Variants in FOXN4 observed in about 807,000 individuals in gnomAD.
FOXN4 encodes the protein forkhead box protein N4.
A neutral mutation model predicts 45.0 loss-of-function variants in FOXN4; 12 were observed. The observed-to-expected ratio is 0.27, with a 90% CI of 0.17 to 0.43. FOXN4 has a LOEUF of 0.43. Among genes scored for constraint, FOXN4 ranks in the 20% least tolerant of loss-of-function variants. The probability of loss-of-function intolerance (pLI) is 1.00; values close to 1 mark genes in which losing one functional copy is unlikely to be tolerated. For missense variants in FOXN4, 560 were observed against 694.9 expected, an observed-to-expected ratio of 0.81 and a Z score of 2.18; for synonymous variants, 297 against 295.0, an observed-to-expected ratio of 1.01 and a Z score of -0.07.
intron 2 of FOXN4, among the ~76,000 whole-genome samples, chr12:109,305,382 G>GTTATTATTA (rs35399235): frequency 6.6e-6 from 1 of 151,678 alleles, no homozygotes; most frequent in African/African-American, 2.4e-5. Context: ...TATTATTGTT[G>GTTATTATTA]TTATTATTAT....
chr12:109,283,048 C>T (rs1312564130), intron 8 of FOXN4, among the ~76,000 whole-genome samples: 3 of 152,026 alleles, frequency 2.0e-5, no homozygotes, highest in Non-Finnish European at 2.9e-5. Context: ...ACTGCTAGCC[C>T]CATTCCTACA....
intron 2 of FOXN4, among the ~76,000 whole-genome samples, chr12:109,292,207 C>T (rs1439933632): frequency 2.0e-5 from 3 of 152,174 alleles, no homozygotes; most frequent in African/African-American, 7.2e-5. Flanking sequence ...CTGTGACTCC[C>T]CACTGCCCTG....
At position 109,290,036 on chromosome 12, in the gene FOXN4, G is replaced by T; in HGVS notation, c.232+105C>A. ...AGATGCAGAAAGAGAGGCCCAGAGAGACTGGGAGACCGGGTCATGGCTGCA... is the reference window on the plus strand; with the variant it reads ...AGATGCAGAAAGAGAGGCCCAGAGATACTGGGAGACCGGGTCATGGCTGCA... On this transcript the variant is annotated intron_variant, in intron 3 of 9. Transcript: ENST00000299162. The surrounding 1 kb of genome is among the most constrained non-coding windows in gnomAD (Gnocchi z 5.1). The T allele has an allele frequency of 1.5e-6, 2 of 1,305,818 alleles. No homozygotes were observed. The highest frequency in any genetic ancestry group is 1.7e-5 in the South Asian group (1 of 60,450). The allele number at this position is 1,305,818 out of a possible 1,614,324, so 80.9% of individuals were successfully genotyped here. A position where few individuals can be genotyped will look rare whatever the true frequency, so the allele number is the denominator to read the frequency against.
intron 2 of FOXN4, among the ~76,000 whole-genome samples, chr12:109,293,230 C>T (rs1160117331): frequency 2.0e-5 from 3 of 152,200 alleles, no homozygotes; most frequent in Non-Finnish European, 4.4e-5. Context: ...GGTTTGCTCC[C>T]AATCTCACAG....
At chr12:109,306,138 C>A (rs530016961) in intron 2 of FOXN4, among the ~76,000 whole-genome samples, 1 of 152,174 alleles carries the variant, frequency 6.6e-6, no homozygotes, top group Non-Finnish European at 1.5e-5. Context: ...CACTTCCCAC[C>A]GTGAGAGCCC....
chr12:109,298,758 G>C (rs1176182535), intron 2 of FOXN4, among the ~76,000 whole-genome samples: 1 of 152,072 alleles, frequency 6.6e-6, no homozygotes, highest in African/African-American at 2.4e-5. Flanking sequence ...CATCATCTTG[G>C]GCAAGCACCT....
chr12:109,304,203 G>GAAAGA (rs1237354496), intron 2 of FOXN4, among the ~76,000 whole-genome samples: 2 of 81,670 alleles, frequency 2.4e-5, no homozygotes, highest in Non-Finnish European at 5.2e-5. Context: ...AAAAAAAAAA[G>GAAAGA]AAAGAAAAGA....
intron 8 of FOXN4, among the ~76,000 whole-genome samples, chr12:109,282,482 C>T (rs200407328): frequency 6.6e-6 from 1 of 152,036 alleles, no homozygotes; most frequent in Non-Finnish European, 1.5e-5. Context: ...TAACACTAGC[C>T]CCTTTCATCT....
At position 109,287,630 on chromosome 12, in the gene FOXN4, C is replaced by CT; in HGVS notation, c.469-107dup. The CT allele has an allele frequency of 7.2e-7, 1 of 1,384,528 alleles. No individual in the cohort carries two copies. The highest frequency in any genetic ancestry group is 2.5e-5 in the East Asian group (1 of 39,488). 85.8% of individuals were successfully genotyped at this position (1,384,528 alleles called of 1,614,324 possible). A position where few individuals can be genotyped will look rare whatever the true frequency, so the allele number is the denominator to read the frequency against. On this transcript the variant is annotated intron_variant, in intron 5 of 9. Transcript: ENST00000299162. This position sits in a 1 kb window ranked among gnomAD's most constrained non-coding sequence, Gnocchi z 4.1. ...TGTCCCCACCCCAGTTTCAAAACAC[C>CT]TTGTGTGGGGATTCACAACCGTCCA...
At chr12:109,284,728 C>T (rs1347790172) in intron 8 of FOXN4, among the ~76,000 whole-genome samples, 7 of 149,852 alleles carry the variant, frequency 4.7e-5, no homozygotes, top group East Asian at 2.0e-4. Context: ...CGGTGGATGG[C>T]GGCCAGGTCC....
At chr12:109,305,348 G>A (rs1304320000) in intron 2 of FOXN4, among the ~76,000 whole-genome samples, 2 of 151,902 alleles carry the variant, frequency 1.3e-5, no homozygotes, top group African/African-American at 4.8e-5. Context: ...GGCAGTAAAA[G>A]GTTAAGAAAC....
Position 109,290,416 on chromosome 12 carries a change from C to T in FOXN4, c.87-130G>A. 2 of 1,163,180 alleles carry T rather than the reference C, an allele frequency of 1.7e-6. No individual in the cohort carries two copies. Among genetic ancestry groups the T allele is most frequent in the Non-Finnish European group, 2.4e-6 (2 of 847,792 alleles). 72.1% of individuals were successfully genotyped at this position (1,163,180 alleles called of 1,614,324 possible). On this transcript the variant is annotated intron_variant, in intron 2 of 9. Transcript: ENST00000299162. This position sits in a 1 kb window ranked among gnomAD's most constrained non-coding sequence, Gnocchi z 5.1. ...CAAGCCACGCCAGCCCTCCAACCTG[C>T]CCGTCCCCAGGACTGGACACGGGAA...
chr12:109,300,022 G>T (rs1046304171), intron 2 of FOXN4, among the ~76,000 whole-genome samples: 5 of 152,198 alleles, frequency 3.3e-5, no homozygotes, highest in Non-Finnish European at 7.3e-5. Flanking sequence ...GCCTCAGTTT[G>T]CACATCTATA....
chr12:109,282,719 A>C (rs1281435679), intron 8 of FOXN4, among the ~76,000 whole-genome samples: 2 of 152,218 alleles, frequency 1.3e-5, no homozygotes, highest in East Asian at 3.8e-4. Context: ...TAAACAAGTA[A>C]AGACAAATTA....
rs2047726201 is a variant in FOXN4 at position 109,287,585 on chromosome 12, T to C, written c.469-61A>G. ...GAAAGAGAGAAGGTGAGAAATAACA[T>C]ACGTCACTCACAGTAACACTGTCCC... is the stretch of plus-strand genomic sequence containing the variant. On this transcript the variant is annotated intron_variant, in intron 5 of 9. Transcript: ENST00000299162. This position sits in a 1 kb window ranked among gnomAD's most constrained non-coding sequence, Gnocchi z 4.1. The C allele has an allele frequency of 2.0e-5, 29 of 1,475,444 alleles. No homozygotes were observed. The highest frequency in any genetic ancestry group is 2.5e-5 in the Non-Finnish European group (28 of 1,111,970). 91.4% of individuals were successfully genotyped at this position (1,475,444 alleles called of 1,614,324 possible).
chr12:109,292,210 C>G (rs1381293701), intron 2 of FOXN4, among the ~76,000 whole-genome samples: 1 of 152,206 alleles, frequency 6.6e-6, no homozygotes, highest in Non-Finnish European at 1.5e-5. Flanking sequence ...TGACTCCCCA[C>G]TGCCCTGGCT....
Position 109,288,238 on chromosome 12 carries a change from G to A in FOXN4, c.233-58C>T. The A allele has an allele frequency of 6.6e-7, 1 of 1,526,348 alleles. No homozygotes were observed. The highest frequency in any genetic ancestry group is 8.8e-7 in the Non-Finnish European group (1 of 1,141,630). The allele number at this position is 1,526,348 out of a possible 1,614,324, so 94.6% of individuals were successfully genotyped here. On this transcript the variant is annotated intron_variant, in intron 3 of 9. Transcript: ENST00000299162. This position sits in a 1 kb window ranked among gnomAD's most constrained non-coding sequence, Gnocchi z 4.3. ...CTGGAGGAATGGTGGCTGCCACCAG[G>A]AACAGCCCAGTGCCCAGGTGTCTCC... is the stretch of plus-strand genomic sequence containing the variant.
At chr12:109,294,129 G>A (rs901764088) in intron 2 of FOXN4, among the ~76,000 whole-genome samples, 7 of 152,164 alleles carry the variant, frequency 4.6e-5, no homozygotes, top group Non-Finnish European at 5.9e-5. Flanking sequence ...TTGGGGCTAC[G>A]CGAACCGGCA....
chr12:109,293,857 C>G (rs2047792246), intron 2 of FOXN4, among the ~76,000 whole-genome samples: 1 of 152,196 alleles, frequency 6.6e-6, no homozygotes, highest in African/African-American at 2.4e-5. Context: ...ACATCTAGCT[C>G]TTTTGAACTG....
Sources: allele counts gnomAD v4.1 joint callset (sites outside exome capture counted in the v4.1 genomes callset), GRCh38; gene constraint gnomAD v4.1.1; non-coding constraint Gnocchi (gnomAD v3.1); transcripts MANE v1.5; gene names NCBI Gene and HGNC (gene_info 2026-07-23, HGNC 2026-07-21).